Variants in NDUFC1 observed in about 807,000 individuals in gnomAD.
The protein encoded by NDUFC1 is NADH dehydrogenase [ubiquinone] 1 subunit C1, mitochondrial.
Under a neutral mutation model 11.6 loss-of-function variants are expected in NDUFC1, and 11 were observed. The observed-to-expected ratio is 0.95, with a 90% confidence interval of 0.60 to 1.58. The LOEUF (loss-of-function observed/expected upper bound fraction) is 1.58, where lower values mean the gene tolerates loss of function less well. NDUFC1 is among the 40% of genes most tolerant of loss of function. The probability of loss-of-function intolerance (pLI) is 0.00; values close to 1 mark genes in which losing one functional copy is unlikely to be tolerated. For missense variants in NDUFC1, 112 were observed against 93.0 expected, an observed-to-expected ratio of 1.20 and a Z score of -0.84; for synonymous variants, 52 against 42.2, an observed-to-expected ratio of 1.23 and a Z score of -0.90.
Position 139,301,522 on chromosome 4 carries a change from TG to T in NDUFC1, c.-222+893del, listed in dbSNP as rs3833612. 2.0e-3 allele frequency: 1,010 copies of T among 498,470 alleles called. 13 individuals carry two copies. The East Asian group carries it at 0.024, about 12-fold the overall frequency. 30.9% of individuals were successfully genotyped at this position (498,470 alleles called of 1,614,324 possible). On this transcript the variant is annotated intron_variant, in intron 1 of 5. Coordinates refer to ENST00000394223, the MANE Select transcript of NDUFC1 (RefSeq NM_001184989.2). ...GCCATTTTGGCTGCCTCTGTCGGTC[TG>T]TTCAGTTACCACGTGAACCGCCGAC...
intron 1 of NDUFC1, chr4:139,301,794 T>C: frequency 6.3e-7 from 1 of 1,585,494 alleles, no homozygotes; most frequent in Non-Finnish European, 8.6e-7. Context: ...GCCGTGAGCC[T>C]CCCGCCCAAG....
intron 1 of NDUFC1, chr4:139,301,204 G>C (rs539355289): frequency 4.1e-6 from 1 of 242,548 alleles, no homozygotes; most frequent in Non-Finnish European, 7.9e-6. Flanking sequence ...CAGTGTGCGA[G>C]ACTCTTTCCA....
intron 1 of NDUFC1, chr4:139,300,785 T>G (rs959891570): frequency 6.6e-6 from 1 of 152,214 alleles, no homozygotes; most frequent in Non-Finnish European, 1.5e-5. Flanking sequence ...AAGTCTCCAC[T>G]ACTCCGCTCC....
chr4:139,301,785 C>T, intron 1 of NDUFC1: 1 of 1,580,542 alleles, frequency 6.3e-7, no homozygotes, highest in Non-Finnish European at 8.6e-7. Context: ...ACGATGCCGG[C>T]CGTGAGCCTC....
rs554025245 is a variant in NDUFC1, at chr4:139,301,702, A to C, written c.-222+714T>G. 4 of 1,502,112 alleles carry C rather than the reference A, an allele frequency of 2.7e-6. No individual in the cohort carries two copies. In the East Asian group the frequency reaches 7.7e-5, roughly 29 times the overall value. 93.0% of individuals were successfully genotyped at this position (1,502,112 alleles called of 1,614,324 possible). A position where few individuals can be genotyped will look rare whatever the true frequency, so the allele number is the denominator to read the frequency against. ...ATATTCAAGGCTGAAGCAGCTACGG[A>C]ACGGCAGCGGCGGCGGTCGGACAAA... On this transcript the variant is annotated intron_variant, in intron 1 of 5. Transcript: ENST00000394223.
At chr4:139,298,881 C>T (rs746482162) in intron 1 of NDUFC1, among the ~76,000 whole-genome samples, 5 of 151,940 alleles carry the variant, frequency 3.3e-5, no homozygotes, top group Non-Finnish European at 7.4e-5. Flanking sequence ...CACTATGTTG[C>T]CCAGGTTGGT....
chr4:139,295,842 A>T lies in NDUFC1; in HGVS notation c.-44T>A. On this transcript the variant is annotated 5_prime_UTR_variant, in exon 3 of 6. Transcript: ENST00000394223. ...GTCTCTCCGAGTTGGCAACAGAACC[A>T]GCGCCACCTGGCGGCCGGAAGTGCG... The T allele has an allele frequency of 6.5e-7, 1 of 1,533,862 alleles. No individual in the cohort carries two copies. Among genetic ancestry groups the T allele is most frequent in the Non-Finnish European group, 8.8e-7 (1 of 1,139,574 alleles).
At chr4:139,295,376 G>C (rs6815500) in intron 3 of NDUFC1, among the ~76,000 whole-genome samples, 17 of 151,930 alleles carry the variant, frequency 1.1e-4, no homozygotes, top group Admixed American at 1.1e-3. Flanking sequence ...CTCGTTTAAG[G>C]GCTTGCGGAC....
rs1284796359 is a variant in NDUFC1 at position 139,295,072 on chromosome 4, A to G, written c.142T>C (p.Leu48=). 1 of 1,614,164 alleles carries G rather than the reference A, an allele frequency of 6.2e-7. No individual in the cohort carries two copies. The highest frequency in any genetic ancestry group is 8.5e-7 in the Non-Finnish European group (1 of 1,180,002). ...ATCCACAAGAAGACAGTGGTGCCCA[A>G]GGTGAACCCAACTTTCAGCCAGTCA... ...KPDWLKVGFT[L]GTTVFLWIYL... is the part of the protein sequence containing the mutation. The change falls in exon 4 of 6, where the codon TTG becomes CTG. Residue 48 remains leucine (L), a synonymous_variant. Coordinates refer to ENST00000394223, the MANE Select transcript of NDUFC1 (RefSeq NM_001184989.2).
intron 1 of NDUFC1, among the ~76,000 whole-genome samples, chr4:139,299,763 G>T (rs1028827403): frequency 6.6e-6 from 1 of 152,182 alleles, no homozygotes; most frequent in Non-Finnish European, 1.5e-5. Flanking sequence ...CACCCAAAAA[G>T]AATGTAACAT....
At chr4:139,294,956 A>G (rs1745393540) in intron 4 of NDUFC1, 87 bp downstream of exon 4, 1 of 955,056 alleles carries the variant, frequency 1.0e-6, no homozygotes, top group Non-Finnish European at 1.7e-6. Flanking sequence ...CATACAACAT[A>G]TAACAGCACC....
intron 4 of NDUFC1, among the ~76,000 whole-genome samples, chr4:139,293,125 TTTAAA>T (rs1745304876): frequency 1.3e-5 from 2 of 152,088 alleles, no homozygotes; most frequent in African/African-American, 2.4e-5. Flanking sequence ...TGGCCAAAAA[TTTAAA>T]TTAAACTACT....
At chr4:139,300,448 T>C (rs947095901) in intron 1 of NDUFC1, among the ~76,000 whole-genome samples, 7 of 152,220 alleles carry the variant, frequency 4.6e-5, no homozygotes, top group African/African-American at 1.7e-4. Context: ...TAATAATTCA[T>C]GATGCAAAGA....
intron 5 of NDUFC1, among the ~76,000 whole-genome samples, chr4:139,291,763 T>A (rs1745227543): frequency 6.6e-6 from 1 of 151,860 alleles, no homozygotes; most frequent in Admixed American, 6.6e-5. Flanking sequence ...CGAAGAATAA[T>A]AATTTGTCAT....
intron 4 of NDUFC1, among the ~76,000 whole-genome samples, chr4:139,294,053 T>G (rs1482586222): frequency 6.6e-6 from 1 of 150,786 alleles, no homozygotes; most frequent in Non-Finnish European, 1.5e-5. Context: ...ACCATTCTGC[T>G]GTCTCAGCCT....
intron 5 of NDUFC1, among the ~76,000 whole-genome samples, chr4:139,291,018 G>T (rs1195451714): frequency 2.6e-5 from 4 of 151,188 alleles, no homozygotes; most frequent in Non-Finnish European, 4.4e-5. Flanking sequence ...CGCCACGTTG[G>T]CCAGGCTGGT....
intron 3 of NDUFC1, 125 bp downstream of exon 3, chr4:139,295,607 G>T (rs969524306): frequency 3.8e-6 from 4 of 1,053,780 alleles, no homozygotes; most frequent in Non-Finnish European, 4.0e-6. Flanking sequence ...GCCTTGGGTC[G>T]TCTGCCGGCG....
In NDUFC1 at chr4:139,297,984, C is replaced by T. The variant is rs562965838; in HGVS notation, c.-221-541G>A. 2.6e-5 allele frequency among the ~76,000 whole-genome samples: 4 copies of T among 151,916 alleles called. No homozygotes were observed. In the South Asian group the frequency reaches 8.3e-4, roughly 32 times the overall value. ...ACTCGGGAGGCTGAGGTTGGAAGATCGCTTGGACCTGGGAGGTGAGGCTAC... is the reference window on the plus strand; with the variant it reads ...ACTCGGGAGGCTGAGGTTGGAAGATTGCTTGGACCTGGGAGGTGAGGCTAC... On this transcript the variant is annotated intron_variant, in intron 1 of 5. Coordinates refer to ENST00000394223, the MANE Select transcript of NDUFC1 (RefSeq NM_001184989.2).
rs898194780 is a variant in NDUFC1 at position 139,301,937 on chromosome 4, C to T, written c.-222+479G>A. ...GCACTGAGCCACTCCCGCCCGGGAC[C>T]CCGCCTTCATAGCTCTCGTCAGGCC... On this transcript the variant is annotated intron_variant, in intron 1 of 5. Transcript: ENST00000394223. 17 of 1,253,656 alleles carry T rather than the reference C, an allele frequency of 1.4e-5. No homozygotes were observed. In the South Asian group the frequency reaches 1.6e-4, roughly 12 times the overall value. 77.7% of individuals were successfully genotyped at this position (1,253,656 alleles called of 1,614,324 possible).
Sources: allele counts gnomAD v4.1 joint callset (sites outside exome capture counted in the v4.1 genomes callset), GRCh38; gene constraint gnomAD v4.1.1; transcripts MANE v1.5; gene names NCBI Gene and HGNC (gene_info 2026-07-23, HGNC 2026-07-21).